Variants in ACSL1 observed in about 807,000 individuals in gnomAD.
ACSL1 encodes the protein long-chain-fatty-acid--CoA ligase 1.
In ACSL1, 41 loss-of-function variants were observed where a neutral mutation model predicts 98.4. The ratio of observed to expected loss-of-function variants is 0.42; its 90% CI spans 0.32 to 0.54. The LOEUF is 0.54. ACSL1 is among the 20% of genes least tolerant of loss of function. The pLI is 0.13. For synonymous variants in ACSL1, 316 were observed against 322.7 expected, an observed-to-expected ratio of 0.98 and a Z score of 0.22; for missense variants, 734 against 883.1, an observed-to-expected ratio of 0.83 and a Z score of 2.14.
chr4:184,761,229 G>A (rs905533114), intron 17 of ACSL1, among the ~76,000 whole-genome samples: 2 of 152,174 alleles, frequency 1.3e-5, no homozygotes, highest in Admixed American at 1.3e-4. Context: ...GGATGTGTTC[G>A]TGAGTGCCAC....
chr4:184,792,349 G>A (rs553804335), intron 2 of ACSL1, among the ~76,000 whole-genome samples: 3 of 152,318 alleles, frequency 2.0e-5, no homozygotes, highest in East Asian at 1.9e-4. Flanking sequence ...AAGAAAGGGG[G>A]TTGAATAAGA....
chr4:184,766,887 G>T lies in ACSL1; in HGVS notation c.1129-131C>A. 1 of 1,079,650 alleles carries T rather than the reference G, an allele frequency of 9.3e-7. No homozygotes were observed. Among genetic ancestry groups the T allele is most frequent in the Non-Finnish European group, 1.3e-6 (1 of 768,066 alleles). The allele number at this position is 1,079,650 out of a possible 1,614,324, so 66.9% of individuals were successfully genotyped here. A position where few individuals can be genotyped will look rare whatever the true frequency, so the allele number is the denominator to read the frequency against. On this transcript the variant is annotated intron_variant, in intron 12 of 20. Coordinates refer to ENST00000281455, the MANE Select transcript of ACSL1 (RefSeq NM_001995.5). The surrounding 1 kb of genome is among the most constrained non-coding windows in gnomAD (Gnocchi z 4.8). ...GCACAGCTGCTCTGACAGCCTGGCC[G>T]GTCCTCTAACGGCCCCACATGGTCA...
chr4:184,818,057 C>G (rs1490693291), intron 1 of ACSL1, among the ~76,000 whole-genome samples: 1 of 152,154 alleles, frequency 6.6e-6, no homozygotes, highest in Non-Finnish European at 1.5e-5. Context: ...CTCAGCCACC[C>G]CCTCAAGAAC....
intron 2 of ACSL1, among the ~76,000 whole-genome samples, chr4:184,800,698 G>A (rs185712909): frequency 6.9e-4 from 105 of 152,322 alleles, no homozygotes; most frequent in African/African-American, 2.5e-3. Flanking sequence ...ACACAAGGAC[G>A]TGGTTCTCCA....
chr4:184,803,435 G>A lies in ACSL1; in HGVS notation c.80C>T (p.Thr27Ile). 1 of 1,614,080 alleles carries A rather than the reference G, an allele frequency of 6.2e-7. No individual in the cohort carries two copies. The highest frequency in any genetic ancestry group is 8.5e-7 in the Non-Finnish European group (1 of 1,179,994). ...AGCTCCGAAGCCCATAAGCGTGTTG[G>A]TCGGAAGAGTACGCACGTACTGTCG... ...DFRQYVRTLP[T>I]NTLMGFGAFA... Residue 27 changes from threonine (T) to isoleucine (I), a missense_variant, in exon 2 of 21, where the codon ACC (threonine) becomes ATC (isoleucine). Physicochemically the swap from Thr to Ile is moderately conservative, Grantham distance 89. Coordinates refer to ENST00000281455, the MANE Select transcript of ACSL1 (RefSeq NM_001995.5). This position sits in a 1 kb window ranked among gnomAD's most constrained non-coding sequence, Gnocchi z 4.8.
intron 5 of ACSL1, 25 bp downstream of exon 5, chr4:184,780,307 A>G: frequency 1.3e-6 from 2 of 1,580,788 alleles, no homozygotes; most frequent in Non-Finnish European, 1.7e-6. Context: ...AAAATCATGC[A>G]TAGCAAGTAC....
chr4:184,808,410 T>A (rs1197730148), intron 1 of ACSL1: 1 of 985,330 alleles, frequency 1.0e-6, no homozygotes, highest in East Asian at 1.1e-4. Context: ...TTTGATGGAA[T>A]ACTTCACTAG....
In ACSL1 at chr4:184,777,003, C is replaced by A; in HGVS notation, c.478-20G>T. 6.2e-7 allele frequency: 1 copy of A among 1,604,340 alleles called. No homozygotes were observed. The highest frequency in any genetic ancestry group is 1.1e-5 in the South Asian group (1 of 90,778). On this transcript the variant is annotated intron_variant, in intron 5 of 20. Transcript: ENST00000281455. ...CACCCACTAAACAAACAGTAAAGGTCAGGGAGAGAAAACAGGATGTCATCA... is the reference window on the plus strand; with the variant it reads ...CACCCACTAAACAAACAGTAAAGGTAAGGGAGAGAAAACAGGATGTCATCA...
chr4:184,821,679 C>T lies in ACSL1; in HGVS notation c.-33+4237G>A, dbSNP rs997569974. Among the ~76,000 whole-genome samples, 9 of 152,194 alleles carry T rather than the reference C, an allele frequency of 5.9e-5. No homozygotes were observed. In the South Asian group the frequency reaches 6.2e-4, roughly 11 times the overall value. ...TAAACATATAACAAAGGTTGGTAAA[C>T]TGTTCTGAAAAATATCCAACAAATG... On this transcript the variant is annotated intron_variant, in intron 1 of 20. Coordinates refer to ENST00000281455, the MANE Select transcript of ACSL1 (RefSeq NM_001995.5).
intron 1 of ACSL1, among the ~76,000 whole-genome samples, chr4:184,821,898 T>A (rs539265757): frequency 6.6e-6 from 1 of 152,330 alleles, no homozygotes; most frequent in African/African-American, 2.4e-5. Context: ...GAAAAAAGAC[T>A]GGAAGGAAAT....
intron 5 of ACSL1, among the ~76,000 whole-genome samples, chr4:184,778,366 A>G (rs1056336257): frequency 1.3e-5 from 2 of 152,244 alleles, no homozygotes; most frequent in African/African-American, 4.8e-5. Flanking sequence ...TTTTCAGCCA[A>G]CAACATAGAA....
chr4:184,820,609 T>A (rs114527473), intron 1 of ACSL1, among the ~76,000 whole-genome samples: 1 of 151,818 alleles, frequency 6.6e-6, no homozygotes, highest in African/African-American at 2.4e-5. Context: ...GGAACTTTCT[T>A]TTTTTTTCTT....
At chr4:184,765,468 C>G (rs1347692509) in intron 14 of ACSL1, among the ~76,000 whole-genome samples, 1 of 152,150 alleles carries the variant, frequency 6.6e-6, no homozygotes. Flanking sequence ...ATCTTCCAAA[C>G]AAACATAACA....
rs1407282343 is a variant in ACSL1, at chr4:184,825,809, C to CCGCTGCTCCGGGCT, written c.-33+93_-33+106dup. The CCGCTGCTCCGGGCT allele has an allele frequency of 6.7e-6, 1 of 149,350 alleles. No individual in the cohort carries two copies. The highest frequency in any genetic ancestry group is 1.5e-5 in the Non-Finnish European group (1 of 66,914). 9.3% of individuals were successfully genotyped at this position (149,350 alleles called of 1,614,324 possible). On this transcript the variant is annotated intron_variant, in intron 1 of 20. Transcript: ENST00000281455. The surrounding 1 kb of genome is among the most constrained non-coding windows in gnomAD (Gnocchi z 4.7). Reference sequence around the variant, plus strand: ...GGTGGCTCACGCGCCTCCGCGGCGGCCGCTGCTCCGGGCTCGGCCCTGAAG... The same window carrying CCGCTGCTCCGGGCT: ...GGTGGCTCACGCGCCTCCGCGGCGGCCGCTGCTCCGGGCTCGCTGCTCCGGGCTCGGCCCTGAAG...
chr4:184,763,323 G>A (rs1328392519), intron 15 of ACSL1, 68 bp from the exon 16 acceptor site: 1 of 1,406,698 alleles, frequency 7.1e-7, no homozygotes, highest in Non-Finnish European at 9.8e-7. Context: ...AAATTATTTT[G>A]ATAGCAAACA....
chr4:184,820,349 A>G (rs1033748115), intron 1 of ACSL1, among the ~76,000 whole-genome samples: 2 of 152,114 alleles, frequency 1.3e-5, no homozygotes, highest in African/African-American at 4.8e-5. Flanking sequence ...CCAGCCTTAC[A>G]AGACCAATGT....
intron 17 of ACSL1, 26 bp downstream of exon 17, chr4:184,762,381 T>A (rs771463110): frequency 2.4e-5 from 37 of 1,570,308 alleles, no homozygotes; most frequent in Non-Finnish European, 3.2e-5. Flanking sequence ...CTGAACTGTT[T>A]GTGACCTGAG....
chr4:184,826,300 C>G (rs1281786834), upstream of ACSL1, among the ~76,000 whole-genome samples: 1 of 152,162 alleles, frequency 6.6e-6, no homozygotes, highest in Non-Finnish European at 1.5e-5. Context: ...TACATTGGAC[C>G]GCCTCAGCTC....
chr4:184,772,647 G>C (rs1482443843), intron 10 of ACSL1, among the ~76,000 whole-genome samples: 1 of 152,160 alleles, frequency 6.6e-6, no homozygotes, highest in East Asian at 1.9e-4. Flanking sequence ...ACTACTTCTA[G>C]TGCAATGGAA....
Sources: gnomAD v4.1 joint callset for allele counts (sites outside exome capture counted in the v4.1 genomes callset) on GRCh38, gnomAD v4.1.1 for gene constraint, Gnocchi (gnomAD v3.1) non-coding constraint, MANE v1.5 for transcripts, NCBI Gene and HGNC (gene_info 2026-07-23, HGNC 2026-07-21) for gene names.